The following ST3GAL4 variants were observed in gnomAD, a reference collection of about 807,000 sequenced individuals.
ST3GAL4 encodes the protein CMP-N-acetylneuraminate-beta-galactosamide-alpha-2,3-sialyltransferase 4.
ST3GAL4 carries 24 observed loss-of-function variants against 42.6 expected under a neutral mutation model. That is an observed-to-expected ratio of 0.56 (90% CI 0.41 to 0.79). The LOEUF (loss-of-function observed/expected upper bound fraction) is 0.79. Among genes scored for constraint, ST3GAL4 ranks in the 30% least tolerant of loss-of-function variants. The pLI is 0.00. For missense variants in ST3GAL4, 311 were observed against 430.8 expected, an observed-to-expected ratio of 0.72 and a Z score of 2.46; for synonymous variants, 135 against 163.2, an observed-to-expected ratio of 0.83 and a Z score of 1.32.
intron 1 of ST3GAL4, among the ~76,000 whole-genome samples, chr11:126,385,412 A>C (rs1482170728): frequency 6.6e-6 from 1 of 151,902 alleles, no homozygotes; most frequent in Non-Finnish European, 1.5e-5. Flanking sequence ...TCGGCCTCCT[A>C]AAGTGCTGGG....
Position 126,409,970 on chromosome 11 carries a change from A to G in ST3GAL4, c.771+559A>G, listed in dbSNP as rs181312140. Among the ~76,000 whole-genome samples the G allele has an allele frequency of 1.6e-3, 244 of 152,296 alleles. 1 individual carries two copies. Among genetic ancestry groups the G allele is most frequent in the African/African-American group, 5.4e-3 (226 of 41,558 alleles). On this transcript the variant is annotated intron_variant, in intron 9 of 10. Coordinates refer to ENST00000444328, the MANE Select transcript of ST3GAL4 (RefSeq NM_001254757.2). The surrounding 1 kb of genome is among the most constrained non-coding windows in gnomAD (Gnocchi z 4.9). Reference sequence around the variant, plus strand: ...CAGGATTGGGTGCAGTGGTGCAATCATAGCCCACTGTAACCTCAAACTTCC... The same window carrying G: ...CAGGATTGGGTGCAGTGGTGCAATCGTAGCCCACTGTAACCTCAAACTTCC...
chr11:126,356,373 G>C (rs1352601437), intron 1 of ST3GAL4: 1 of 152,540 alleles, frequency 6.6e-6, no homozygotes, highest in Non-Finnish European at 1.5e-5. Flanking sequence ...GTCAGGCCTA[G>C]GCCACTGTGC....
chr11:126,361,514 C>T (rs1952241997), intron 1 of ST3GAL4, among the ~76,000 whole-genome samples: 1 of 152,104 alleles, frequency 6.6e-6, no homozygotes, highest in African/African-American at 2.4e-5. Context: ...TGGTAATGAC[C>T]TTGCTAGACT....
chr11:126,408,892 C>T (rs1396103371), intron 8 of ST3GAL4: 2 of 396,788 alleles, frequency 5.0e-6, no homozygotes, highest in Admixed American at 7.8e-5. Context: ...AGAAAGAGTT[C>T]ACTACATCAC....
rs59029262 is a variant in ST3GAL4, at chr11:126,377,479, C to CTTTTT, written c.-61+21652_-61+21656dup. ...AGCCACCGTGCCTGGCCAACACCTT[C>CTTTTT]TTTTTTTTTTTTTTTTTTTGAGATA... On this transcript the variant is annotated intron_variant, in intron 1 of 10. Transcript: ENST00000444328. 2.6e-3 allele frequency among the ~76,000 whole-genome samples: 311 copies of CTTTTT among 117,630 alleles called. 2 individuals carry two copies. Among genetic ancestry groups the CTTTTT allele is most frequent in the African/African-American group, 8.1e-3 (249 of 30,772 alleles). 77.2% of individuals were successfully genotyped at this position (117,630 alleles called of 152,430 possible).
Position 126,388,679 on chromosome 11 carries a change from T to TTTTTTTTTC in ST3GAL4, c.-60-17415_-60-17414insTTTTTTCTT, listed in dbSNP as rs1239186575. Among the ~76,000 whole-genome samples the TTTTTTTTTC allele has an allele frequency of 6.7e-3, 825 of 122,642 alleles. 17 individuals carry two copies. The highest frequency in any genetic ancestry group is 0.013 in the South Asian group (49 of 3,736). 80.5% of individuals were successfully genotyped at this position (122,642 alleles called of 152,430 possible). On this transcript the variant is annotated intron_variant, in intron 1 of 10. Transcript: ENST00000444328. Reference sequence around the variant, plus strand: ...TTTCTTGTTTTTTTTTTTTTTTTTTTTTCTGATTTACGTGAGCACATCATA... The same window carrying TTTTTTTTTC: ...TTTCTTGTTTTTTTTTTTTTTTTTTTTTTTTTTTCTTCTGATTTACGTGAGCACATCATA...
At position 126,380,698 on chromosome 11, in the gene ST3GAL4, C is replaced by T. The variant is rs534930094; in HGVS notation, c.-61+24856C>T. ...TTGGTGGATAACCTGTCAAATAAAG[C>T]GAATTGCCCTAGCACTAGAGACCTC... On this transcript the variant is annotated intron_variant, in intron 1 of 10. Coordinates refer to ENST00000444328, the MANE Select transcript of ST3GAL4 (RefSeq NM_001254757.2). Among the ~76,000 whole-genome samples, 12 of 152,158 alleles carry T rather than the reference C, an allele frequency of 7.9e-5. No homozygotes were observed. In the South Asian group the frequency reaches 2.3e-3, roughly 29 times the overall value.
rs992182665 is a variant in ST3GAL4, at chr11:126,359,827, A to G, written c.-61+3985A>G. Among the ~76,000 whole-genome samples the G allele has an allele frequency of 1.3e-5, 2 of 151,768 alleles. No individual in the cohort carries two copies. Among genetic ancestry groups the G allele is most frequent in the Non-Finnish European group, 2.9e-5 (2 of 67,938 alleles). ...CTGCTTTCCCTTGGCAATTGCTTCC[A>G]TCTGGCCTGCCTGCAGCTCCTATTC... is the stretch of plus-strand genomic sequence containing the variant. On this transcript the variant is annotated intron_variant, in intron 1 of 10. Coordinates refer to ENST00000444328, the MANE Select transcript of ST3GAL4 (RefSeq NM_001254757.2). This position sits in a 1 kb window ranked among gnomAD's most constrained non-coding sequence, Gnocchi z 4.8.
intron 1 of ST3GAL4, among the ~76,000 whole-genome samples, chr11:126,368,707 C>G (rs1293008195): frequency 2.0e-5 from 3 of 152,202 alleles, no homozygotes; most frequent in Non-Finnish European, 4.4e-5. Context: ...CTTGTGAGTA[C>G]AGGGGAAATG....
chr11:126,398,058 C>G lies in ST3GAL4; in HGVS notation c.-60-8038C>G, dbSNP rs964381560. Among the ~76,000 whole-genome samples the G allele has an allele frequency of 2.6e-5, 4 of 152,200 alleles. No homozygotes were observed. The highest frequency in any genetic ancestry group is 9.6e-5 in the African/African-American group (4 of 41,456). ...CATGTAGAATACATTTGCTTCTTAC[C>G]TATAATCCCAAATTCTTATTTGTTT... On this transcript the variant is annotated intron_variant, in intron 1 of 10. Transcript: ENST00000444328. The surrounding 1 kb of genome is among the most constrained non-coding windows in gnomAD (Gnocchi z 4.7).
chr11:126,368,259 G>C lies in ST3GAL4; in HGVS notation c.-61+12417G>C, dbSNP rs958999349. 7.2e-5 allele frequency among the ~76,000 whole-genome samples: 11 copies of C among 152,250 alleles called. No homozygotes were observed. The East Asian group carries it at 1.7e-3, about 24-fold the overall frequency. The stretch of plus-strand genomic sequence containing the variant: ...CTCATGCCTGTAATCCCAGCACTTG[G>C]GGAGGCTGAGACAGGATTACCTGAC... On this transcript the variant is annotated intron_variant, in intron 1 of 10. Coordinates refer to ENST00000444328, the MANE Select transcript of ST3GAL4 (RefSeq NM_001254757.2).
At chr11:126,390,643 T>G (rs1196730667) in intron 1 of ST3GAL4, among the ~76,000 whole-genome samples, 1 of 149,368 alleles carries the variant, frequency 6.7e-6, no homozygotes, top group Non-Finnish European at 1.5e-5. Context: ...TTTTTATTTC[T>G]TTGATTGTTT....
chr11:126,371,788 C>T (rs192442919), intron 1 of ST3GAL4, among the ~76,000 whole-genome samples: 5 of 152,314 alleles, frequency 3.3e-5, no homozygotes, highest in East Asian at 3.9e-4. Context: ...GGGCTGTGCC[C>T]GGAAATGCAA....
intron 1 of ST3GAL4, among the ~76,000 whole-genome samples, chr11:126,361,339 C>G (rs1465007515): frequency 1.3e-5 from 2 of 150,926 alleles, no homozygotes; most frequent in Admixed American, 1.3e-4. Flanking sequence ...TTTTTTGAAA[C>G]TGTGACAGAG....
rs1314721100 is a variant in ST3GAL4, at chr11:126,396,804, T to C, written c.-60-9292T>C. 2.0e-5 allele frequency among the ~76,000 whole-genome samples: 3 copies of C among 151,606 alleles called. No homozygotes were observed. Among genetic ancestry groups the C allele is most frequent in the Admixed American group, 6.6e-5 (1 of 15,212 alleles). ...GAGCTGTACAACCTGGGCCGGTTAC[T>C]GACCCCTTTCCCACCTTAGTTCCCT... is the stretch of plus-strand genomic sequence containing the variant. On this transcript the variant is annotated intron_variant, in intron 1 of 10. Transcript: ENST00000444328. This position sits in a 1 kb window ranked among gnomAD's most constrained non-coding sequence, Gnocchi z 5.8.
intron 10 of ST3GAL4, 140 bp downstream of exon 10, chr11:126,413,788 C>A: frequency 7.0e-7 from 1 of 1,428,282 alleles, no homozygotes; most frequent in African/African-American, 1.4e-5. Context: ...CCTGGACTCC[C>A]TGGCCAGCAT....
chr11:126,399,412 C>T (rs908758701), intron 1 of ST3GAL4, among the ~76,000 whole-genome samples: 1 of 137,484 alleles, frequency 7.3e-6, no homozygotes, highest in African/African-American at 2.8e-5. Context: ...TCAAACCATT[C>T]TCCTGCCTTA....
chr11:126,412,032 A>G (rs924679228), intron 9 of ST3GAL4, among the ~76,000 whole-genome samples: 16 of 152,076 alleles, frequency 1.1e-4, no homozygotes, highest in African/African-American at 3.9e-4. Context: ...ATTCTGCCTT[A>G]TATATTTTAC....
chr11:126,388,395 A>T (rs1309054000), intron 1 of ST3GAL4, among the ~76,000 whole-genome samples: 1 of 152,066 alleles, frequency 6.6e-6, no homozygotes, highest in Non-Finnish European at 1.5e-5. Context: ...AAGTGGCTTA[A>T]TCCTGGCTCA....
Sources: allele counts gnomAD v4.1 joint callset (sites outside exome capture counted in the v4.1 genomes callset), GRCh38; gene constraint gnomAD v4.1.1; non-coding constraint Gnocchi (gnomAD v3.1); transcripts MANE v1.5; gene names NCBI Gene and HGNC (gene_info 2026-07-23, HGNC 2026-07-21).